The following VPS13B variants were observed in gnomAD, a reference collection of about 807,000 sequenced individuals.
The protein encoded by VPS13B is vacuolar protein sorting 13 homolog B.
Under a neutral mutation model 426.4 loss-of-function variants are expected in VPS13B, and 285 were observed. The ratio of observed to expected loss-of-function variants is 0.67; its 90% CI spans 0.61 to 0.74. The LOEUF (loss-of-function observed/expected upper bound fraction) is 0.74, where lower values mean the gene tolerates loss of function less well. Ranked by LOEUF, VPS13B falls within the 30% of genes least tolerant of loss-of-function variation. The pLI is 0.00. For missense variants in VPS13B, 4,537 were observed against 4,782.6 expected (o/e 0.95, Z 1.51); for synonymous variants, 1,676 against 1,676.4 (o/e 1.00, Z 0.01).
chr8:99,016,762 T>C (rs1841642674), intron 2 of VPS13B, among the ~76,000 whole-genome samples: 1 of 151,954 alleles, frequency 6.6e-6, no homozygotes, highest in African/African-American at 2.4e-5. Context: ...GGCTAATTTT[T>C]TGTATTTTTA....
At chr8:99,491,783 T>C (rs1193945805) in intron 25 of VPS13B, among the ~76,000 whole-genome samples, 1 of 152,220 alleles carries the variant, frequency 6.6e-6, no homozygotes, top group Non-Finnish European at 1.5e-5. Flanking sequence ...TCAAGGTTTT[T>C]AGCTTCCTTG....
chr8:99,664,169 G>A (rs1330931188), intron 35 of VPS13B, among the ~76,000 whole-genome samples: 1 of 151,814 alleles, frequency 6.6e-6, no homozygotes, highest in Non-Finnish European at 1.5e-5. Context: ...ATCACACCCG[G>A]CTAATTTTTG....
At chr8:99,785,278 G>T (rs1271423753) in intron 43 of VPS13B, among the ~76,000 whole-genome samples, 2 of 152,132 alleles carry the variant, frequency 1.3e-5, no homozygotes, top group Non-Finnish European at 2.9e-5. Context: ...ACTACTGCCT[G>T]CTTGTGATTA....
chr8:99,584,830 G>C (rs1433235527), intron 33 of VPS13B, among the ~76,000 whole-genome samples: 2 of 152,026 alleles, frequency 1.3e-5, no homozygotes, highest in Non-Finnish European at 2.9e-5. Context: ...TGGATACTAG[G>C]GTGACAGCAT....
Position 99,861,812 on chromosome 8 carries a change from T to G in VPS13B, c.11081T>G (p.Leu3694Arg), listed in dbSNP as rs1184354725. Residue 3694 changes from leucine to arginine, a missense_variant, in exon 58 of 62, where the codon CTG becomes CGG. Leu to Arg is a moderately radical substitution (Grantham distance 102, BLOSUM62 -2). This residue lies in a region of VPS13B where 4,311 missense variants were observed against 4,474.3 expected (regional missense o/e 0.96). Coordinates refer to ENST00000357162, the MANE Select transcript of VPS13B (RefSeq NM_152564.5). ...TCCATCACCAACCTCGCCACAAGCC[T>G]GGCCCGGAACATGGACCGGCTCTCA... ...LTSITNLATS[L>R]ARNMDRLSLD... is the part of the protein sequence containing the mutation. 1 of 1,598,720 alleles carries G rather than the reference T, an allele frequency of 6.3e-7. No individual in the cohort carries two copies. The highest frequency in any genetic ancestry group is 8.5e-7 in the Non-Finnish European group (1 of 1,172,990).
intron 3 of VPS13B, chr8:99,093,940 A>G (rs997715415): frequency 6.6e-6 from 1 of 152,212 alleles, no homozygotes; most frequent in Non-Finnish European, 1.5e-5. Flanking sequence ...TTTTTTTAAC[A>G]AAAATTTGAA....
intron 17 of VPS13B, among the ~76,000 whole-genome samples, chr8:99,209,047 G>A (rs1422012384): frequency 6.6e-6 from 1 of 152,054 alleles, no homozygotes; most frequent in East Asian, 1.9e-4. Flanking sequence ...TTGGGAGGCC[G>A]AGGTGGGCAG....
At chr8:99,301,119 G>A (rs898789769) in intron 19 of VPS13B, among the ~76,000 whole-genome samples, 1 of 151,866 alleles carries the variant, frequency 6.6e-6, no homozygotes, top group Non-Finnish European at 1.5e-5. Flanking sequence ...GAAGGCTGAC[G>A]TGGAAGGATC....
At chr8:99,664,730 A>G (rs568913118) in intron 35 of VPS13B, among the ~76,000 whole-genome samples, 3 of 152,254 alleles carry the variant, frequency 2.0e-5, no homozygotes, top group South Asian at 4.2e-4. Context: ...TTGGACATTC[A>G]GGTTGGTTTC....
At chr8:99,844,927 C>T (rs1232133423) in intron 54 of VPS13B, among the ~76,000 whole-genome samples, 3 of 152,200 alleles carry the variant, frequency 2.0e-5, no homozygotes, top group African/African-American at 7.2e-5. Context: ...ATGTTCCAGA[C>T]ACAGGCAACA....
intron 59 of VPS13B, among the ~76,000 whole-genome samples, chr8:99,869,973 G>A (rs1817306464): frequency 1.3e-5 from 2 of 152,270 alleles, no homozygotes; most frequent in African/African-American, 4.8e-5. Context: ...CTGGCACCAG[G>A]GAGAGCATGT....
Position 99,713,998 on chromosome 8 carries a change from G to A in VPS13B, c.6455-3173G>A, listed in dbSNP as rs888556152. On this transcript the variant is annotated intron_variant, in intron 36 of 61. Transcript: ENST00000357162. ...CTACTAAAAAGACAAAAATTATCCG[G>A]GCATGTTGGTGGGTGCCTGTAATCC... Among the ~76,000 whole-genome samples, 4 of 151,936 alleles carry A rather than the reference G, an allele frequency of 2.6e-5. No homozygotes were observed. The South Asian group carries it at 8.3e-4, about 32-fold the overall frequency.
chr8:99,271,195 A>ACT (rs1818574407), intron 17 of VPS13B, among the ~76,000 whole-genome samples: 6 of 145,230 alleles, frequency 4.1e-5, no homozygotes, highest in African/African-American at 1.3e-4. Context: ...TGCTACCACT[A>ACT]ACTACTACTA....
intron 36 of VPS13B, among the ~76,000 whole-genome samples, chr8:99,701,946 A>T (rs1299227064): frequency 6.6e-6 from 1 of 152,120 alleles, no homozygotes; most frequent in African/African-American, 2.4e-5. Flanking sequence ...TGATTAAGAG[A>T]TTGCCACATA....
At chr8:99,040,447 A>G (rs1157179626) in intron 3 of VPS13B, among the ~76,000 whole-genome samples, 1 of 152,206 alleles carries the variant, frequency 6.6e-6, no homozygotes, top group Non-Finnish European at 1.5e-5. Context: ...TGAAAATTGC[A>G]GTTGACATTT....
chr8:99,202,148 G>A (rs954058302), intron 17 of VPS13B, among the ~76,000 whole-genome samples: 2 of 152,164 alleles, frequency 1.3e-5, no homozygotes, highest in Non-Finnish European at 2.9e-5. Context: ...TAGGTGATCC[G>A]TTATTTTGGT....
intron 27 of VPS13B, among the ~76,000 whole-genome samples, chr8:99,505,718 G>A (rs1821463111): frequency 6.6e-6 from 1 of 152,154 alleles, no homozygotes; most frequent in Non-Finnish European, 1.5e-5. Flanking sequence ...CTGGAAGTCA[G>A]CATATATTGT....
intron 27 of VPS13B, 87 bp downstream of exon 27, chr8:99,503,037 G>A: frequency 2.9e-6 from 3 of 1,043,044 alleles, no homozygotes; most frequent in Non-Finnish European, 4.4e-6. Flanking sequence ...AATTTGGCTG[G>A]TTATTAAAAT....
chr8:99,822,858 C>CTCATG (rs908893537), intron 50 of VPS13B, among the ~76,000 whole-genome samples: 4 of 152,130 alleles, frequency 2.6e-5, no homozygotes, highest in Non-Finnish European at 2.9e-5. Flanking sequence ...GTAATAACAT[C>CTCATG]TCATGTCATG....
Sources: gnomAD v4.1 joint callset for allele counts (sites outside exome capture counted in the v4.1 genomes callset) on GRCh38, gnomAD v4.1.1 for gene constraint, gnomAD v4.1.1 regional missense constraint, MANE v1.5 for transcripts, NCBI Gene and HGNC (gene_info 2026-07-23, HGNC 2026-07-21) for gene names.